Variants in PARPBP observed in about 807,000 individuals in gnomAD.
PARPBP encodes PCNA-interacting partner.
In PARPBP, 52 loss-of-function variants were observed where a neutral mutation model predicts 50.0. That is an observed-to-expected ratio of 1.04 (90% CI 0.83 to 1.31). PARPBP has a LOEUF of 1.31. Among genes scored for constraint, PARPBP ranks in the 50% most tolerant of loss-of-function variants. PARPBP has a pLI of 0.00. For synonymous variants in PARPBP, 244 were observed against 232.1 expected, an observed-to-expected ratio of 1.05 and a Z score of -0.47; for missense variants, 697 against 672.0, an observed-to-expected ratio of 1.04 and a Z score of -0.41.
At chr12:102,140,209 T>G (rs1050421686) in intron 2 of PARPBP, among the ~76,000 whole-genome samples, 1 of 152,208 alleles carries the variant, frequency 6.6e-6, no homozygotes, top group East Asian at 1.9e-4. Context: ...GGTTTAGTCT[T>G]GGGAGGGTAT....
rs1891352072 is a variant in PARPBP at position 102,196,817 on chromosome 12, A to T, written c.*526A>T. The T allele has an allele frequency of 2.9e-6, 3 of 1,052,564 alleles. No homozygotes were observed. The highest frequency in any genetic ancestry group is 4.3e-6 in the Non-Finnish European group (3 of 693,760). The allele number at this position is 1,052,564 out of a possible 1,614,324, so 65.2% of individuals were successfully genotyped here. A position where few individuals can be genotyped will look rare whatever the true frequency, so the allele number is the denominator to read the frequency against. On this transcript the variant is annotated 3_prime_UTR_variant, in exon 11 of 11. Coordinates refer to ENST00000327680, the MANE Select transcript of PARPBP (RefSeq NM_017915.5). ...ATTCTGAGTAAACCAAAATGATAAT[A>T]ATTAATTGTTGCTATTTAATCCCAC...
rs869213784 is a variant in PARPBP at position 102,156,176 on chromosome 12, CTTTTTTTTTTTTT to C, written c.495+2216_495+2228del. Among the ~76,000 whole-genome samples the C allele has an allele frequency of 1.1e-4, 7 of 66,184 alleles. No homozygotes were observed. The South Asian group carries it at 3.2e-3, about 30-fold the overall frequency. The allele number at this position is 66,184 out of a possible 152,430, so 43.4% of individuals were successfully genotyped here. ...CATATTTGGCTCAGAATTAACCTTC[CTTTTTTTTTTTTT>C]TTTTTTTTTTTTTTTGAGACGGTGT... On this transcript the variant is annotated intron_variant, in intron 4 of 10. Transcript: ENST00000327680.
chr12:102,135,765 C>T (rs1219476389), intron 2 of PARPBP, among the ~76,000 whole-genome samples: 1 of 152,150 alleles, frequency 6.6e-6, no homozygotes, highest in East Asian at 1.9e-4. Context: ...TCATAGTGAT[C>T]ATCTTGCACC....
chr12:102,190,930 G>A lies in PARPBP; in HGVS notation c.1264-4382G>A, dbSNP rs575041022. ...AATAGCCATAAGTAGGAGTCTCCTT[G>A]AGAAGGTTGACATTCAGCAAAGTCT... On this transcript the variant is annotated intron_variant, in intron 9 of 10. Coordinates refer to ENST00000327680, the MANE Select transcript of PARPBP (RefSeq NM_017915.5). Among the ~76,000 whole-genome samples the A allele has an allele frequency of 5.6e-4, 85 of 152,222 alleles. No individual in the cohort carries two copies. In the South Asian group the frequency reaches 9.1e-3, roughly 16 times the overall value.
intron 9 of PARPBP, among the ~76,000 whole-genome samples, chr12:102,183,114 G>T (rs1889994058): frequency 6.6e-6 from 1 of 152,044 alleles, no homozygotes; most frequent in African/African-American, 2.4e-5. Context: ...ACTAAGTTTT[G>T]CTGTCTTCAT....
chr12:102,132,293 A>G (rs571752149), intron 2 of PARPBP, among the ~76,000 whole-genome samples: 11 of 152,254 alleles, frequency 7.2e-5, no homozygotes, highest in African/African-American at 2.4e-4. Flanking sequence ...ATACCCCTGA[A>G]CTTAAAAGTT....
chr12:102,145,454 G>T (rs1885214934), intron 2 of PARPBP, among the ~76,000 whole-genome samples: 1 of 152,052 alleles, frequency 6.6e-6, no homozygotes, highest in South Asian at 2.1e-4. Flanking sequence ...TGCTGAATTA[G>T]GGCTGGCAGC....
At chr12:102,150,336 G>A (rs1355895506) in intron 3 of PARPBP, 1 of 444,358 alleles carries the variant, frequency 2.3e-6, no homozygotes, top group Non-Finnish European at 4.5e-6. Flanking sequence ...AATGCACTAA[G>A]TATAATCCCA....
At position 102,123,872 on chromosome 12, in the gene PARPBP, T is replaced by C; in HGVS notation, c.-3-14T>C. 6.6e-7 allele frequency: 1 copy of C among 1,522,856 alleles called. No homozygotes were observed. The highest frequency in any genetic ancestry group is 8.8e-7 in the Non-Finnish European group (1 of 1,135,108). The allele number at this position is 1,522,856 out of a possible 1,614,324, so 94.3% of individuals were successfully genotyped here. On this transcript the variant is annotated splice_polypyrimidine_tract_variant and intron_variant, in intron 1 of 10. Coordinates refer to ENST00000327680, the MANE Select transcript of PARPBP (RefSeq NM_017915.5). ...CATAAGATACTTTAACTTTGTATTC[T>C]GTCCTACTTTAAGATAATGGCTGTG...
At chr12:102,185,190 T>C (rs1347511380) in intron 9 of PARPBP, among the ~76,000 whole-genome samples, 3 of 152,180 alleles carry the variant, frequency 2.0e-5, no homozygotes, top group African/African-American at 7.2e-5. Context: ...CCTACTGTAG[T>C]GTATCAGGAA....
intron 3 of PARPBP, among the ~76,000 whole-genome samples, chr12:102,153,051 T>C (rs1292927617): frequency 1.3e-5 from 2 of 152,148 alleles, no homozygotes; most frequent in East Asian, 1.9e-4. Context: ...TTTCCTTAGC[T>C]GAAACAAAAG....
chr12:102,137,689 G>A (rs1239772912), intron 2 of PARPBP, among the ~76,000 whole-genome samples: 3 of 150,368 alleles, frequency 2.0e-5, no homozygotes, highest in African/African-American at 7.3e-5. Flanking sequence ...AGTTTGTGAT[G>A]TTCCCCTTCC....
intron 6 of PARPBP, among the ~76,000 whole-genome samples, chr12:102,169,612 C>CTTTCATCCTTTCT (rs1888489595): frequency 6.6e-6 from 1 of 152,186 alleles, no homozygotes; most frequent in Non-Finnish European, 1.5e-5. Flanking sequence ...CCAGTGTTTA[C>CTTTCATCCTTTCT]TGTTTCAGAC....
intron 9 of PARPBP, among the ~76,000 whole-genome samples, chr12:102,187,010 T>G (rs1890362713): frequency 6.6e-6 from 1 of 151,794 alleles, no homozygotes; most frequent in South Asian, 2.1e-4. Context: ...AATTTAACCT[T>G]TATGATATTT....
chr12:102,140,764 T>C (rs929854553), intron 2 of PARPBP, among the ~76,000 whole-genome samples: 3 of 152,200 alleles, frequency 2.0e-5, no homozygotes, highest in Non-Finnish European at 4.4e-5. Context: ...CAGGAGCAGG[T>C]TGTTCAGTTT....
rs71438459 is a variant in PARPBP at position 102,184,046 on chromosome 12, G to GAAAAAAA, written c.1263+1433_1263+1439dup. Among the ~76,000 whole-genome samples, 191 of 59,906 alleles carry GAAAAAAA rather than the reference G, an allele frequency of 3.2e-3. 19 individuals are homozygous for GAAAAAAA. Among genetic ancestry groups the GAAAAAAA allele is most frequent in the African/African-American group, 0.011 (153 of 13,922 alleles). The allele number at this position is 59,906 out of a possible 152,430, so 39.3% of individuals were successfully genotyped here. The stretch of plus-strand genomic sequence containing the variant: ...TGGGTGACAAAATGAGACTCTATCT[G>GAAAAAAA]AAAAAAAAAAAAAAAAAAAAGAAAG... On this transcript the variant is annotated intron_variant, in intron 9 of 10. Transcript: ENST00000327680.
rs114546604 is a variant in PARPBP, at chr12:102,153,963, G to A, written c.482G>A (p.Arg161His). 10,505 of 1,567,732 alleles carry A rather than the reference G, an allele frequency of 6.7e-3. 227 individuals carry two copies. The highest frequency in any genetic ancestry group is 0.067 in the African/African-American group (4,915 of 73,852). Reference sequence around the variant, plus strand: ...ACATCACCAACAAGTAAATACAACCGTGATAATGAAAAGGTACTGATAAAC... The same window carrying A: ...ACATCACCAACAAGTAAATACAACCATGATAATGAAAAGGTACTGATAAAC... ...IPTSPTSKYN[R>H]DNEKVQLLAR... The change falls in exon 4 of 11, where the codon CGT (arginine) becomes CAT (histidine). Residue 161 changes from arginine to histidine, a missense_variant. By Grantham distance (29) the Arg-to-His change is conservative. Coordinates refer to ENST00000327680, the MANE Select transcript of PARPBP (RefSeq NM_017915.5).
intron 1 of PARPBP, among the ~76,000 whole-genome samples, chr12:102,123,502 T>G (rs909704798): frequency 4.2e-4 from 63 of 151,768 alleles, no homozygotes; most frequent in African/African-American, 1.4e-3. Context: ...TTTTAGGTTT[T>G]TTTTTTTTTT....
At chr12:102,190,618 A>G (rs1014245422) in intron 9 of PARPBP, among the ~76,000 whole-genome samples, 3 of 152,076 alleles carry the variant, frequency 2.0e-5, no homozygotes, top group Non-Finnish European at 4.4e-5. Flanking sequence ...GGTCCTTGAA[A>G]CAGGATCTAT....
Sources: allele counts gnomAD v4.1 joint callset (sites outside exome capture counted in the v4.1 genomes callset), GRCh38; gene constraint gnomAD v4.1.1; transcripts MANE v1.5; gene names NCBI Gene and HGNC (gene_info 2026-07-23, HGNC 2026-07-21).